ARHGAP23: variants seen among roughly 807,000 people sequenced by gnomAD.
The protein encoded by ARHGAP23 is Rho GTPase activating protein 23.
ARHGAP23 carries 34 observed loss-of-function variants against 136.3 expected under a neutral mutation model. The observed-to-expected ratio is 0.25, with a 90% CI of 0.19 to 0.33. The LOEUF (loss-of-function observed/expected upper bound fraction) is 0.33, where lower values mean the gene tolerates loss of function less well. Ranked by LOEUF, ARHGAP23 falls within the 10% of genes least tolerant of loss-of-function variation. The pLI, the probability that ARHGAP23 is intolerant of heterozygous loss-of-function variation, is 1.00. For missense variants in ARHGAP23, 1,808 were observed against 2,139.0 expected, an observed-to-expected ratio of 0.85 and a Z score of 3.05; for synonymous variants, 832 against 920.5, an observed-to-expected ratio of 0.90 and a Z score of 1.74.
intron 14 of ARHGAP23, 64 bp downstream of exon 14, chr17:38,479,947 A>T: frequency 6.5e-7 from 1 of 1,530,684 alleles, no homozygotes; most frequent in Non-Finnish European, 8.8e-7. Flanking sequence ...AGGGGAGGGC[A>T]CGCGTGTGTG....
At chr17:38,435,007 G>A (rs531107675) in intron 1 of ARHGAP23, among the ~76,000 whole-genome samples, 7 of 152,368 alleles carry the variant, frequency 4.6e-5, no homozygotes, top group African/African-American at 1.4e-4. Context: ...AAAAGGGACA[G>A]AAGGAGGAGG....
chr17:38,443,060 T>G (rs2144533703), intron 1 of ARHGAP23, among the ~76,000 whole-genome samples: 1 of 152,316 alleles, frequency 6.6e-6, no homozygotes, highest in East Asian at 1.9e-4. Context: ...TAAGGAAACT[T>G]GAGTGACCTT....
At chr17:38,426,818 G>A (rs1217159057), upstream of ARHGAP23, among the ~76,000 whole-genome samples, 3 of 152,138 alleles carry the variant, frequency 2.0e-5, no homozygotes, top group African/African-American at 7.2e-5. Context: ...CAGGAGTAGG[G>A]ATGGCCTAAT....
chr17:38,510,059 G>T lies in ARHGAP23; in HGVS notation c.3563G>T (p.Ser1188Ile). 4.0e-6 allele frequency: 5 copies of T among 1,240,678 alleles called. No homozygotes were observed. The highest frequency in any genetic ancestry group is 4.0e-6 in the Non-Finnish European group (4 of 993,698). The allele number at this position is 1,240,678 out of a possible 1,614,324, so 76.9% of individuals were successfully genotyped here. A position where few individuals can be genotyped will look rare whatever the true frequency, so the allele number is the denominator to read the frequency against. Reference sequence around the variant, plus strand: ...CGGGAGGCGCGGGGGCTGGGCAGCAGCACCGACGACGACTCGGAGCAGGAG... The same window carrying T: ...CGGGAGGCGCGGGGGCTGGGCAGCATCACCGACGACGACTCGGAGCAGGAG... ...KRREARGLGSSTDDDSEQEAH... is the reference protein window; with the variant it reads ...KRREARGLGSITDDDSEQEAH... Residue 1188 changes from serine to isoleucine, a missense_variant, in exon 24 of 24, where the codon AGC (serine) becomes ATC (isoleucine). This residue lies in a region of ARHGAP23 where 104 missense variants were observed against 131.8 expected (regional missense o/e 0.79). Coordinates refer to ENST00000622683, the MANE Select transcript of ARHGAP23 (RefSeq NM_001199417.2). This position sits in a 1 kb window ranked among gnomAD's most constrained non-coding sequence, Gnocchi z 4.6.
intron 23 of ARHGAP23, among the ~76,000 whole-genome samples, chr17:38,504,827 C>T (rs1476618048): frequency 2.0e-5 from 3 of 151,946 alleles, no homozygotes; most frequent in Admixed American, 2.0e-4. Flanking sequence ...GGCGTCGGTG[C>T]CCCAAGTTAC....
intron 23 of ARHGAP23, among the ~76,000 whole-genome samples, chr17:38,507,410 A>G (rs2144819570): frequency 6.6e-6 from 1 of 152,216 alleles, no homozygotes; most frequent in South Asian, 2.1e-4. Context: ...TTGCTGTGAC[A>G]GGGAGAAAGT....
intron 12 of ARHGAP23, among the ~76,000 whole-genome samples, chr17:38,478,972 C>G (rs1281712836): frequency 3.3e-5 from 5 of 152,164 alleles, no homozygotes; most frequent in African/African-American, 1.2e-4. Flanking sequence ...AGGCTCTGCT[C>G]TCCCGGGAAC....
In ARHGAP23 at chr17:38,511,454, A is replaced by AT. The variant is rs1217729055; in HGVS notation, c.*483dup. The stretch of plus-strand genomic sequence containing the variant: ...GAGGAGGTGTAGGGTGCGTATGTCC[A>AT]TGGGGGGAGGGGCTTGTGTGTGCAG... On this transcript the variant is annotated 3_prime_UTR_variant, in exon 24 of 24. Transcript: ENST00000622683. 1 of 155,028 alleles carries AT rather than the reference A, an allele frequency of 6.5e-6. No homozygotes were observed. The highest frequency in any genetic ancestry group is 1.4e-5 in the Non-Finnish European group (1 of 70,206). 9.6% of individuals were successfully genotyped at this position (155,028 alleles called of 1,614,324 possible). A position where few individuals can be genotyped will look rare whatever the true frequency, so the allele number is the denominator to read the frequency against.
chr17:38,428,390 C>CA (rs1038265422), upstream of ARHGAP23: 6 of 453,802 alleles, frequency 1.3e-5, no homozygotes, highest in Non-Finnish European at 2.0e-5. Flanking sequence ...GGGGCCCCCC[C>CA]ACACCGCGCT....
At chr17:38,503,945 C>T (rs1428659397) in intron 23 of ARHGAP23, among the ~76,000 whole-genome samples, 5 of 152,328 alleles carry the variant, frequency 3.3e-5, no homozygotes, top group Middle Eastern at 3.4e-3. Context: ...TAACTTTTCA[C>T]GAACATCGGT....
Position 38,511,147 on chromosome 17 carries a change from G to T in ARHGAP23, c.*175G>T, listed in dbSNP as rs1176721896. 3.1e-5 allele frequency: 21 copies of T among 684,164 alleles called. No individual in the cohort carries two copies. The highest frequency in any genetic ancestry group is 4.4e-5 in the Non-Finnish European group (20 of 454,118). 42.4% of individuals were successfully genotyped at this position (684,164 alleles called of 1,614,324 possible). A position where few individuals can be genotyped will look rare whatever the true frequency, so the allele number is the denominator to read the frequency against. On this transcript the variant is annotated 3_prime_UTR_variant, in exon 24 of 24. Transcript: ENST00000622683. ...TGGAACTGGCAGGGCAGAGGAGAAG[G>T]CTGGGGCCGGACTAATTGAATGGAA...
intron 12 of ARHGAP23, among the ~76,000 whole-genome samples, 162 bp downstream of exon 12, chr17:38,478,058 G>A (rs1291825835): frequency 6.6e-6 from 1 of 152,226 alleles, no homozygotes; most frequent in African/African-American, 2.4e-5. Flanking sequence ...TCGGGGTGAG[G>A]AGGGTGCACA....
At chr17:38,470,194 C>G (rs1056421651) in intron 10 of ARHGAP23, among the ~76,000 whole-genome samples, 3 of 152,216 alleles carry the variant, frequency 2.0e-5, no homozygotes, top group African/African-American at 7.2e-5. Context: ...GTCTTCGCGG[C>G]TTTTTAGGTC....
At chr17:38,507,325 G>C (rs895952994) in intron 23 of ARHGAP23, among the ~76,000 whole-genome samples, 1 of 134,648 alleles carries the variant, frequency 7.4e-6, no homozygotes, top group Admixed American at 7.1e-5. Context: ...CTGGTGCAAG[G>C]GTCCCCTGTA....
In ARHGAP23 at chr17:38,466,693, C is replaced by G. The variant is rs1359973007; in HGVS notation, c.1010C>G (p.Ala337Gly). ...RPWPCSTSQD[A>G]LSQLGQEGWH... The stretch of plus-strand genomic sequence containing the variant: ...TGGCCCTGCTCCACCTCCCAGGATG[C>G]TTTGAGCCAGCTGGGCCAGGAGGGC... Residue 337 changes from alanine to glycine, a missense_variant, in exon 7 of 24, where the codon GCT becomes GGT. By Grantham distance (60) the Ala-to-Gly change is moderately conservative (BLOSUM62 0). Transcript: ENST00000622683. 1.3e-6 allele frequency: 2 copies of G among 1,528,090 alleles called. No homozygotes were observed. The highest frequency in any genetic ancestry group is 1.8e-6 in the Non-Finnish European group (2 of 1,137,226). The allele number at this position is 1,528,090 out of a possible 1,614,324, so 94.7% of individuals were successfully genotyped here.
intron 1 of ARHGAP23, among the ~76,000 whole-genome samples, chr17:38,432,868 C>T (rs2038715617): frequency 6.6e-6 from 1 of 152,168 alleles, no homozygotes; most frequent in African/African-American, 2.4e-5. Flanking sequence ...CTCTGCCTGC[C>T]TTCAGCCTGC....
chr17:38,451,127 G>A (rs1448857202), intron 1 of ARHGAP23: 3 of 152,230 alleles, frequency 2.0e-5, no homozygotes, highest in African/African-American at 7.2e-5. Context: ...CTTTCCCAGA[G>A]GAAATGGGGG....
Position 38,466,277 on chromosome 17 carries a change from T to C in ARHGAP23, c.594T>C (p.Pro198=), listed in dbSNP as rs994287605. Residue 198 remains proline (P), a synonymous_variant, in exon 7 of 24, where the codon CCT becomes CCC. Transcript: ENST00000622683. The part of the protein sequence containing the change: ...ICYPRKTYAP[P]ARASTRATMV... ...ACCCCCGCAAGACCTACGCCCCTCC[T>C]GCCCGGGCCTCCACCAGGGCCACTA... 5.8e-6 allele frequency: 9 copies of C among 1,547,810 alleles called. No homozygotes were observed. Among genetic ancestry groups the C allele is most frequent in the African/African-American group, 1.4e-5 (1 of 72,836 alleles).
In ARHGAP23 at chr17:38,491,421, C is replaced by T; in HGVS notation, c.3165C>T (p.Asn1055=). The change falls in exon 20 of 24, where the codon AAC becomes AAT. Residue 1055 remains asparagine (N), a synonymous_variant. Transcript: ENST00000622683. ...CTGCTGCCCAGATGGAACCCCGGAA[C>T]CTGGCCCTGGTCTTTGGGCCGACAC... is the stretch of plus-strand genomic sequence containing the variant. ...HSEKNKMEPR[N]LALVFGPTLV... is the part of the protein sequence containing the mutation. 1 of 1,549,718 alleles carries T rather than the reference C, an allele frequency of 6.5e-7. No homozygotes were observed. The highest frequency in any genetic ancestry group is 8.7e-7 in the Non-Finnish European group (1 of 1,146,856).
Sources: allele counts gnomAD v4.1 joint callset (sites outside exome capture counted in the v4.1 genomes callset), GRCh38; gene constraint gnomAD v4.1.1; regional missense constraint gnomAD v4.1.1; non-coding constraint Gnocchi (gnomAD v3.1); transcripts MANE v1.5; gene names NCBI Gene and HGNC (gene_info 2026-07-23, HGNC 2026-07-21).